Variants in ABCA13 observed in about 807,000 individuals in gnomAD.
ABCA13 encodes ATP binding cassette subfamily A member 13.
Under a neutral mutation model 478.7 loss-of-function variants are expected in ABCA13, and 476 were observed. That is an observed-to-expected ratio of 0.99 (90% CI 0.92 to 1.07). The LOEUF (loss-of-function observed/expected upper bound fraction) is 1.07. Among genes scored for constraint, ABCA13 ranks in the 50% least tolerant of loss-of-function variants. The pLI, the probability that ABCA13 is intolerant of heterozygous loss-of-function variation, is 0.00. For missense variants in ABCA13, 6,060 were observed against 5,910.6 expected (o/e 1.03, Z -0.83); for synonymous variants, 2,252 against 2,158.9 (o/e 1.04, Z -1.20).
At chr7:48,458,031 A>C (rs1825857048) in intron 43 of ABCA13, among the ~76,000 whole-genome samples, 1 of 152,150 alleles carries the variant, frequency 6.6e-6, no homozygotes, top group South Asian at 2.1e-4. Context: ...CTTGTTAGGA[A>C]TTCTCCACTG....
At chr7:48,495,502 T>C (rs1475400078) in intron 48 of ABCA13, among the ~76,000 whole-genome samples, 1 of 152,170 alleles carries the variant, frequency 6.6e-6, no homozygotes, top group Non-Finnish European at 1.5e-5. Context: ...AAAAAAGTAT[T>C]CTACTCTTGT....
chr7:48,297,412 A>G (rs537162570), intron 22 of ABCA13, 101 bp downstream of exon 22: 5 of 1,137,102 alleles, frequency 4.4e-6, no homozygotes, highest in African/African-American at 1.6e-5. Flanking sequence ...AATTTATGCT[A>G]TATGTGATAC....
Position 48,441,538 on chromosome 7 carries a change from A to G in ABCA13, c.12566-13499A>G, listed in dbSNP as rs192327346. Among the ~76,000 whole-genome samples, 70 of 152,316 alleles carry G rather than the reference A, an allele frequency of 4.6e-4. No individual in the cohort carries two copies. In the East Asian group the frequency reaches 5.4e-3, roughly 12 times the overall value. On this transcript the variant is annotated intron_variant, in intron 42 of 61. Coordinates refer to ENST00000435803, the MANE Select transcript of ABCA13 (RefSeq NM_152701.5). ...TAAAATATAAAATATATACTTTTTA[A>G]TCATAGGGACCCTAGTAGCTCCGTA...
intron 27 of ABCA13, among the ~76,000 whole-genome samples, chr7:48,330,919 C>A (rs1805299083): frequency 6.6e-6 from 1 of 152,128 alleles, no homozygotes; most frequent in Non-Finnish European, 1.5e-5. Flanking sequence ...GGGTTTTTCC[C>A]TTCCTGATTT....
At chr7:48,482,352 A>G (rs1828856099) in intron 46 of ABCA13, among the ~76,000 whole-genome samples, 1 of 151,934 alleles carries the variant, frequency 6.6e-6, no homozygotes, top group African/African-American at 2.4e-5. Flanking sequence ...GACAAACCAG[A>G]GTGGCTCAAA....
chr7:48,281,165 T>C lies in ABCA13; in HGVS notation c.8727-178T>C, dbSNP rs75097201. ...GAAATAATTCTGGAGACCTAAAGTTTTCTAAAGGTCCAGAATGTGTTATCT... is the reference window on the plus strand; with the variant it reads ...GAAATAATTCTGGAGACCTAAAGTTCTCTAAAGGTCCAGAATGTGTTATCT... On this transcript the variant is annotated intron_variant, in intron 18 of 61. Transcript: ENST00000435803. Among the ~76,000 whole-genome samples, 272 of 152,324 alleles carry C rather than the reference T, an allele frequency of 1.8e-3. 10 individuals are homozygous for C. In the East Asian group the frequency reaches 0.046, roughly 26 times the overall value.
In ABCA13 at chr7:48,507,924, T is replaced by C. The variant is rs1156641324; in HGVS notation, c.13399T>C (p.Ser4467Pro). 1 of 1,613,320 alleles carries C rather than the reference T, an allele frequency of 6.2e-7. No individual in the cohort carries two copies. Among genetic ancestry groups the C allele is most frequent in the Admixed American group, 1.7e-5 (1 of 59,980 alleles). ...GVALCIVLGFSILSASIGSSV... is the reference protein window; with the variant it reads ...GVALCIVLGFPILSASIGSSV... The stretch of plus-strand genomic sequence containing the variant: ...GGCCCTCTGCATCGTGCTGGGATTC[T>C]CCATCCTGTCTGCATCCATCGGCAG... The change falls in exon 50 of 62, where the codon TCC (serine) becomes CCC (proline). Residue 4467 changes from serine to proline, a missense_variant. Physicochemically the swap from Ser to Pro is moderately conservative, Grantham distance 74. Around this residue, in one of 3 missense-constraint regions of ABCA13, gnomAD observed 1,627 missense variants for 1,571.0 expected, o/e 1.04. Transcript: ENST00000435803.
Position 48,272,422 on chromosome 7 carries a change from C to T in ABCA13, c.2756C>T (p.Thr919Ile). 6.2e-7 allele frequency: 1 copy of T among 1,613,772 alleles called. No homozygotes were observed. The highest frequency in any genetic ancestry group is 2.2e-5 in the East Asian group (1 of 44,862). The change falls in exon 17 of 62, where the codon ACA (threonine) becomes ATA (isoleucine). Residue 919 changes from threonine to isoleucine, a missense_variant. Transcript: ENST00000435803. ...EQEQISEALN[T>I]VYAIRNASDL... ...GAACAGATCTCAGAAGCTCTGAACA[C>T]AGTCTACGCTATCAGGAATGCATCT...
At chr7:48,426,025 G>A in intron 41 of ABCA13, among the ~76,000 whole-genome samples, 1 of 152,228 alleles carries the variant, frequency 6.6e-6, no homozygotes, top group East Asian at 1.9e-4. Flanking sequence ...ACAGGCGTGA[G>A]CCACCGCGCC....
intron 55 of ABCA13, among the ~76,000 whole-genome samples, chr7:48,548,547 CATT>C (rs1284173208): frequency 1.4e-5 from 2 of 139,962 alleles, no homozygotes; most frequent in South Asian, 2.2e-4. Flanking sequence ...GCATGTAACA[CATT>C]TTTTTTTTTT....
chr7:48,466,873 G>A lies in ABCA13; in HGVS notation c.12816-83G>A, dbSNP rs1585448719. On this transcript the variant is annotated intron_variant, in intron 43 of 61. Transcript: ENST00000435803. ...GATCAGCCTGACTAGGGCACAATGT[G>A]AGGTCAGCAGCTGGTTCTCCATTCT... The A allele has an allele frequency of 6.1e-6, 8 of 1,304,866 alleles. No homozygotes were observed. The East Asian group carries it at 9.2e-5, about 15-fold the overall frequency. 80.8% of individuals were successfully genotyped at this position (1,304,866 alleles called of 1,614,324 possible).
intron 55 of ABCA13, among the ~76,000 whole-genome samples, chr7:48,549,596 G>A (rs1156649828): frequency 6.6e-6 from 1 of 151,660 alleles, no homozygotes; most frequent in Non-Finnish European, 1.5e-5. Context: ...TTGGATTGCT[G>A]GATCAAATGA....
At chr7:48,195,853 G>A (rs1047398282) in intron 2 of ABCA13, among the ~76,000 whole-genome samples, 1 of 152,202 alleles carries the variant, frequency 6.6e-6, no homozygotes, top group South Asian at 2.1e-4. Flanking sequence ...AGAGTGACAG[G>A]TGCTGTTGCT....
chr7:48,574,560 AG>A (rs1554572504), intron 55 of ABCA13, among the ~76,000 whole-genome samples: 1 of 152,152 alleles, frequency 6.6e-6, no homozygotes, highest in Non-Finnish European at 1.5e-5. Context: ...CTCAAGCATG[AG>A]ACACCTAGAG....
At chr7:48,428,609 C>G (rs184638579) in intron 42 of ABCA13, among the ~76,000 whole-genome samples, 1 of 152,274 alleles carries the variant, frequency 6.6e-6, no homozygotes, top group Admixed American at 6.5e-5. Context: ...CAAATTGCAT[C>G]CTTACCAGCA....
intron 59 of ABCA13, among the ~76,000 whole-genome samples, chr7:48,640,068 CT>C (rs567405831): frequency 1.1e-3 from 174 of 152,276 alleles, no homozygotes; most frequent in African/African-American, 4.0e-3. Context: ...TGCAAACATA[CT>C]TACATCATTA....
intron 38 of ABCA13, among the ~76,000 whole-genome samples, chr7:48,393,082 A>G (rs1024475968): frequency 5.9e-5 from 9 of 152,216 alleles, no homozygotes; most frequent in Non-Finnish European, 1.0e-4. Flanking sequence ...GGACATTGAT[A>G]GAAGTTTAGA....
chr7:48,425,432 A>G (rs1821270524), intron 41 of ABCA13, among the ~76,000 whole-genome samples: 1 of 152,208 alleles, frequency 6.6e-6, no homozygotes, highest in Non-Finnish European at 1.5e-5. Context: ...GTCAATGAAT[A>G]ATTCTTGATT....
chr7:48,226,362 AC>A (rs1788208787), intron 5 of ABCA13, among the ~76,000 whole-genome samples: 2 of 152,144 alleles, frequency 1.3e-5, no homozygotes, highest in Admixed American at 1.3e-4. Context: ...GCTTCCCAGG[AC>A]CCTGCTGAGT....
Sources: gnomAD v4.1 joint callset for allele counts (sites outside exome capture counted in the v4.1 genomes callset) on GRCh38, gnomAD v4.1.1 for gene constraint, gnomAD v4.1.1 regional missense constraint, MANE v1.5 for transcripts, NCBI Gene and HGNC (gene_info 2026-07-23, HGNC 2026-07-21) for gene names.